The following COL4A5 variants were observed in gnomAD, a reference collection of about 807,000 sequenced individuals.
COL4A5 encodes the protein collagen alpha-5(IV) chain.
A neutral mutation model predicts 130.2 loss-of-function variants in COL4A5; 26 were observed. The ratio of observed to expected loss-of-function variants is 0.20; its 90% confidence interval spans 0.15 to 0.28. The LOEUF (loss-of-function observed/expected upper bound fraction) is 0.28. COL4A5 is among the 10% of genes least tolerant of loss of function. The pLI is 1.00. For synonymous variants in COL4A5, 496 were observed against 439.6 expected, an observed-to-expected ratio of 1.13 and a Z score of -1.60; for missense variants, 1,131 against 1,344.3, an observed-to-expected ratio of 0.84 and a Z score of 2.48.
At chrX:108,659,544 A>T (rs1211734278) in intron 37 of COL4A5, among the ~76,000 whole-genome samples, 1 of 110,402 alleles carries the variant, frequency 9.1e-6, no homozygotes, top group Non-Finnish European at 1.9e-5. Flanking sequence ...TCTCTCTGTC[A>T]ATTTTTTGCT....
At chrX:108,638,264 A>G (rs745873982) in intron 36 of COL4A5, among the ~76,000 whole-genome samples, 32 of 111,535 alleles carry the variant, frequency 2.9e-4, no homozygotes, top group Non-Finnish European at 5.7e-4. Context: ...AGGATAGTTC[A>G]GCATACAAAA....
chrX:108,572,718 TC>T (rs1164555869), intron 8 of COL4A5, among the ~76,000 whole-genome samples: 1 of 111,783 alleles, frequency 8.9e-6, no homozygotes, highest in Non-Finnish European at 1.9e-5. Context: ...TTACCTCCCA[TC>T]CTGTTTTATT....
At chrX:108,608,589 TA>T (rs2066775094) in intron 29 of COL4A5, among the ~76,000 whole-genome samples, 1 of 111,269 alleles carries the variant, frequency 9.0e-6, no homozygotes, top group African/African-American at 3.3e-5. Flanking sequence ...ACAACAACAA[TA>T]TACTTCTCTC....
rs998938322 is a variant in COL4A5, at chrX:108,481,605, C to T, written c.81+41399C>T. On this transcript the variant is annotated intron_variant, in intron 1 of 52. Coordinates refer to ENST00000328300, the MANE Select transcript of COL4A5 (RefSeq NM_033380.3). ...ATGCCAGAACTCTACATGAGTCAGA[C>T]TATGCTGATTGCTGCTTCGCTTTTG... 3.6e-5 allele frequency among the ~76,000 whole-genome samples: 4 copies of T among 112,046 alleles called. No homozygotes were observed. In the East Asian group the frequency reaches 1.1e-3, roughly 31 times the overall value.
intron 1 of COL4A5, among the ~76,000 whole-genome samples, chrX:108,456,479 T>A (rs2064585954): frequency 8.9e-6 from 1 of 112,146 alleles, no homozygotes; most frequent in African/African-American, 3.2e-5. Context: ...TCTTTGGATT[T>A]TGTATGTATA....
rs776324961 is a variant in COL4A5, at chrX:108,686,437, G to T, written c.4315+308G>T. On this transcript the variant is annotated intron_variant, in intron 48 of 52. Coordinates refer to ENST00000328300, the MANE Select transcript of COL4A5 (RefSeq NM_033380.3). Reference sequence around the variant, plus strand: ...TTGATTTAAATCCCTTGACCATATTGAAACTATTGTGAATATTTCCACATT... The same window carrying T: ...TTGATTTAAATCCCTTGACCATATTTAAACTATTGTGAATATTTCCACATT... Among the ~76,000 whole-genome samples the T allele has an allele frequency of 2.8e-4, 32 of 112,314 alleles. No homozygotes were observed. In the East Asian group the frequency reaches 8.9e-3, roughly 31 times the overall value.
intron 27 of COL4A5, among the ~76,000 whole-genome samples, chrX:108,602,729 C>T (rs2066656181): frequency 9.0e-6 from 1 of 111,524 alleles, no homozygotes; most frequent in Non-Finnish European, 1.9e-5. Flanking sequence ...TATAATAGCC[C>T]TCATTTTCTT....
chrX:108,481,411 A>C (rs931411832), intron 1 of COL4A5, among the ~76,000 whole-genome samples: 10 of 111,620 alleles, frequency 9.0e-5, no homozygotes, highest in Admixed American at 1.9e-4. Flanking sequence ...CTGAGTCTGT[A>C]AACTGGCTCA....
At chrX:108,525,642 TTTTA>T (rs909635964) in intron 1 of COL4A5, among the ~76,000 whole-genome samples, 40 of 111,858 alleles carry the variant, frequency 3.6e-4, no homozygotes, top group African/African-American at 1.3e-3. Flanking sequence ...TCTTTAATGA[TTTTA>T]TTTAATGTAT....
intron 31 of COL4A5, 94 bp from the exon 32 acceptor site, chrX:108,621,709 C>A: frequency 1.5e-6 from 1 of 688,544 alleles, no homozygotes; most frequent in Non-Finnish European, 2.3e-6. Context: ...TTACGTCCAA[C>A]CCTCAATAGT....
chrX:108,575,304 C>T (rs1172413850), intron 9 of COL4A5, among the ~76,000 whole-genome samples: 2 of 111,358 alleles, frequency 1.8e-5, no homozygotes. Flanking sequence ...TAGCCTTTCC[C>T]TTCTCATTGG....
intron 1 of COL4A5, among the ~76,000 whole-genome samples, chrX:108,515,531 G>A (rs1023181395): frequency 7.2e-5 from 8 of 110,864 alleles, no homozygotes; most frequent in Non-Finnish European, 1.1e-4. Context: ...TCTCACCCAT[G>A]CTTCCACTGA....
chrX:108,690,100 T>C (rs2147994754), intron 49 of COL4A5: 1 of 576,749 alleles, frequency 1.7e-6, no homozygotes, highest in Non-Finnish European at 2.1e-6. Flanking sequence ...TACAAAGCAC[T>C]TTCATGTCCA....
intron 22 of COL4A5, 28 bp downstream of exon 22, chrX:108,595,629 A>G: frequency 2.6e-6 from 3 of 1,166,985 alleles, no homozygotes; most frequent in Non-Finnish European, 3.5e-6. Context: ...GTAACCTTCT[A>G]AATATTTTTT....
chrX:108,479,492 A>T (rs1261209352), intron 1 of COL4A5, among the ~76,000 whole-genome samples: 15 of 111,877 alleles, frequency 1.3e-4, no homozygotes, highest in Non-Finnish European at 2.8e-4. Flanking sequence ...GCAGCTGTCC[A>T]CTTTCGGGTG....
At chrX:108,662,100 T>A (rs1301380134) in intron 37 of COL4A5, among the ~76,000 whole-genome samples, 2 of 69,400 alleles carry the variant, frequency 2.9e-5, no homozygotes, top group Non-Finnish European at 4.9e-5. Context: ...CAGTCCCCAG[T>A]GTGTGATGTT....
At chrX:108,486,574 A>T (rs2346076) in intron 1 of COL4A5, among the ~76,000 whole-genome samples, 11,473 of 110,054 alleles carry the variant, frequency 0.1, 1,296 homozygotes, top group African/African-American at 0.34. Flanking sequence ...CACCCCTCCC[A>T]CCCTTTCCCA....
chrX:108,621,991 C>T, intron 32 of COL4A5, 99 bp downstream of exon 32: 5 of 609,608 alleles, frequency 8.2e-6, no homozygotes, highest in Middle Eastern at 3.1e-4. Flanking sequence ...TTAAAATGAG[C>T]AATGGTTACT....
At chrX:108,449,549 A>G (rs868482288) in intron 1 of COL4A5, among the ~76,000 whole-genome samples, 7 of 111,917 alleles carry the variant, frequency 6.3e-5, no homozygotes, top group Middle Eastern at 4.6e-3. Flanking sequence ...CAGTAATATT[A>G]TCTTAGTCTG....
Sources: gnomAD v4.1 joint callset for allele counts (sites outside exome capture counted in the v4.1 genomes callset) on GRCh38, gnomAD v4.1.1 for gene constraint, MANE v1.5 for transcripts, NCBI Gene and HGNC (gene_info 2026-07-23, HGNC 2026-07-21) for gene names.